Variants in CTNNA1 observed in about 807,000 individuals in gnomAD.
The protein encoded by CTNNA1 is catenin alpha-1.
In CTNNA1, 37 loss-of-function variants were observed where a neutral mutation model predicts 98.4. That is an observed-to-expected ratio of 0.38 (90% CI 0.29 to 0.49). The LOEUF is 0.49. CTNNA1 is among the 20% of genes least tolerant of loss of function. The probability of loss-of-function intolerance (pLI) is 0.95; values close to 1 mark genes in which losing one functional copy is unlikely to be tolerated. For missense variants in CTNNA1, 761 were observed against 1,147.2 expected (o/e 0.66, Z 4.86); for synonymous variants, 404 against 413.2 (o/e 0.98, Z 0.27).
chr5:138,934,116 C>G lies in CTNNA1; in HGVS notation c.*27C>G, dbSNP rs1170078830. 6.4e-7 allele frequency: 1 copy of G among 1,562,426 alleles called. No homozygotes were observed. On this transcript the variant is annotated 3_prime_UTR_variant, in exon 18 of 18. Coordinates refer to ENST00000302763, the MANE Select transcript of CTNNA1 (RefSeq NM_001903.5). The stretch of plus-strand genomic sequence containing the variant: ...TCTGCCCAGGCCGGCCGCCCCCACC[C>G]CTCGGGGCTCCTGAATATCAGTCAC...
chr5:138,831,341 T>G (rs1447962661), intron 7 of CTNNA1, among the ~76,000 whole-genome samples: 2 of 152,204 alleles, frequency 1.3e-5, no homozygotes, highest in Non-Finnish European at 2.9e-5. Context: ...GATCCAAGCG[T>G]CAGTTATTTT....
At chr5:138,811,543 G>A (rs1428848334) in intron 4 of CTNNA1, among the ~76,000 whole-genome samples, 18 of 151,466 alleles carry the variant, frequency 1.2e-4, no homozygotes, top group African/African-American at 3.9e-4. Flanking sequence ...TGCACTCTCG[G>A]CGCTTTGGGA....
intron 7 of CTNNA1, among the ~76,000 whole-genome samples, chr5:138,877,254 A>G (rs374918672): frequency 3.9e-5 from 6 of 152,136 alleles, no homozygotes; most frequent in Non-Finnish European, 8.8e-5. Flanking sequence ...TCAATAGGCT[A>G]GAACTTCTTA....
chr5:138,812,122 C>T, intron 4 of CTNNA1, 61 bp from the exon 5 acceptor site: 1 of 1,485,094 alleles, frequency 6.7e-7, no homozygotes, highest in Non-Finnish European at 9.2e-7. Context: ...CCTAGGATGC[C>T]ATCTTCTTTA....
At chr5:138,901,825 T>C (rs938161309) in intron 9 of CTNNA1, among the ~76,000 whole-genome samples, 10 of 152,204 alleles carry the variant, frequency 6.6e-5, no homozygotes, top group Non-Finnish European at 1.5e-4. Flanking sequence ...CTCCTCGCCC[T>C]CTCCTTTCAC....
Position 138,924,493 on chromosome 5 carries a change from T to G in CTNNA1, c.1547-17T>G, listed in dbSNP as rs1763588597. ...AGAAAGCCTCCTTCCTCATTCAACT[T>G]TTTGCTTGTTCTCCAGAGAATCACA... On this transcript the variant is annotated splice_polypyrimidine_tract_variant and intron_variant, in intron 11 of 17. Coordinates refer to ENST00000302763, the MANE Select transcript of CTNNA1 (RefSeq NM_001903.5). 6.2e-7 allele frequency: 1 copy of G among 1,613,564 alleles called. No homozygotes were observed. Among genetic ancestry groups the G allele is most frequent in the South Asian group, 1.1e-5 (1 of 90,888 alleles).
At chr5:138,818,499 G>A (rs539482110) in intron 5 of CTNNA1, among the ~76,000 whole-genome samples, 2 of 152,226 alleles carry the variant, frequency 1.3e-5, no homozygotes, top group African/African-American at 2.4e-5. Flanking sequence ...TCTTTTGAAT[G>A]GCTTTTATAG....
At chr5:138,911,314 A>T (rs1760570408) in intron 10 of CTNNA1, among the ~76,000 whole-genome samples, 1 of 152,190 alleles carries the variant, frequency 6.6e-6, no homozygotes, top group Non-Finnish European at 1.5e-5. Context: ...ATTGCAGTAC[A>T]CAGAATAATG....
At chr5:138,827,774 T>G in intron 7 of CTNNA1, 56 bp downstream of exon 7, 1 of 1,597,010 alleles carries the variant, frequency 6.3e-7, no homozygotes, top group Non-Finnish European at 8.6e-7. Flanking sequence ...GAGTTTTCTA[T>G]AACATGTTGG....
At chr5:138,785,254 G>A (rs1038172128) in intron 3 of CTNNA1, among the ~76,000 whole-genome samples, 7 of 151,294 alleles carry the variant, frequency 4.6e-5, no homozygotes, top group Non-Finnish European at 5.9e-5. Context: ...GTAGAGACGG[G>A]GTTTCACTGT....
intron 7 of CTNNA1, chr5:138,872,024 G>A (rs1750690678): frequency 8.2e-6 from 1 of 122,294 alleles, no homozygotes; most frequent in Non-Finnish European, 1.7e-5. Context: ...GAGAGAGCGC[G>A]AGAGTGTGTG....
chr5:138,828,055 C>T (rs184760012), intron 7 of CTNNA1: 15 of 224,098 alleles, frequency 6.7e-5, no homozygotes, highest in East Asian at 4.9e-4. Flanking sequence ...TTTTTTCCCC[C>T]GAAGCCTTTG....
intron 10 of CTNNA1, among the ~76,000 whole-genome samples, chr5:138,907,312 G>A (rs529541891): frequency 4.6e-5 from 7 of 152,286 alleles, no homozygotes; most frequent in South Asian, 2.1e-4. Flanking sequence ...GAGCCACCAC[G>A]CCCGGCCCCC....
chr5:138,849,848 G>A (rs758522068), intron 7 of CTNNA1, among the ~76,000 whole-genome samples: 3 of 151,820 alleles, frequency 2.0e-5, no homozygotes, highest in Non-Finnish European at 4.4e-5. Context: ...TCTTAAAATA[G>A]GCAGTGCATT....
chr5:138,924,689 A>C lies in CTNNA1; in HGVS notation c.1726A>C (p.Thr576Pro). 1.3e-6 allele frequency: 2 copies of C among 1,584,284 alleles called. No individual in the cohort carries two copies. ...GVYTEKVLEA[T>P]KLLSNTVMPR... ...CTACACAGAGAAGGTTCTGGAAGCC[A>C]CTAAGCTGCTCTCCAACACAGGTAC... Residue 576 changes from threonine (T) to proline (P), a missense_variant, in exon 12 of 18, where the codon ACT becomes CCT. Around this residue, in one of 6 missense-constraint regions of CTNNA1, gnomAD observed 287 missense variants for 436.0 expected, o/e 0.66. Coordinates refer to ENST00000302763, the MANE Select transcript of CTNNA1 (RefSeq NM_001903.5).
intron 3 of CTNNA1, among the ~76,000 whole-genome samples, chr5:138,805,858 T>C (rs752293878): frequency 3.9e-5 from 6 of 151,962 alleles, no homozygotes; most frequent in Admixed American, 1.3e-4. Flanking sequence ...TTTACTTTCT[T>C]GGTAGTGTTC....
At chr5:138,897,299 C>CCT in intron 9 of CTNNA1, among the ~76,000 whole-genome samples, 1 of 81,676 alleles carries the variant, frequency 1.2e-5, no homozygotes, top group Non-Finnish European at 2.7e-5. Context: ...ACCGCACCCC[C>CCT]CCCCCCCCCG....
chr5:138,785,195 G>C (rs914827801), intron 3 of CTNNA1, among the ~76,000 whole-genome samples: 1 of 150,014 alleles, frequency 6.7e-6, no homozygotes, highest in Middle Eastern at 3.4e-3. Context: ...CCAAGTAGCT[G>C]GGACTACAGG....
At chr5:138,853,830 G>A (rs1488243109) in intron 7 of CTNNA1, among the ~76,000 whole-genome samples, 1 of 152,336 alleles carries the variant, frequency 6.6e-6, no homozygotes, top group East Asian at 1.9e-4. Flanking sequence ...CATTTCAAAT[G>A]AGGGTTTGAA....
Sources: gnomAD v4.1 joint callset for allele counts (sites outside exome capture counted in the v4.1 genomes callset) on GRCh38, gnomAD v4.1.1 for gene constraint, gnomAD v4.1.1 regional missense constraint, MANE v1.5 for transcripts, NCBI Gene and HGNC (gene_info 2026-07-23, HGNC 2026-07-21) for gene names.